SPRR2G: variants seen among roughly 807,000 people sequenced by gnomAD.
SPRR2G encodes the protein small proline rich protein 2G, also known as small proline-rich protein 2G.
In SPRR2G, 1 loss-of-function variant was observed where a neutral mutation model predicts 0.7. That is an observed-to-expected ratio of 1.49 (90% CI 0.53 to 7.06). The LOEUF (loss-of-function observed/expected upper bound fraction) is 7.06, where lower values mean the gene tolerates loss of function less well. Among genes scored for constraint, SPRR2G ranks in the 30% most tolerant of loss-of-function variants. The pLI is 0.14. For synonymous variants in SPRR2G, 38 were observed against 33.9 expected, an observed-to-expected ratio of 1.12 and a Z score of -0.42; for missense variants, 96 against 88.5, an observed-to-expected ratio of 1.09 and a Z score of -0.34.
the SPRR2G span, among the ~76,000 whole-genome samples, chr1:153,169,459 G>A: frequency 5.2e-3 from 793 of 152,002 alleles, 10 homozygotes; most frequent in Middle Eastern, 0.02. Flanking sequence ...CCAGCCACTC[G>A]GGAGACTGAG....
At chr1:153,181,039 A>T in the SPRR2G span, among the ~76,000 whole-genome samples, 1 of 152,026 alleles carries the variant, frequency 6.6e-6, no homozygotes, top group Non-Finnish European at 1.5e-5. Flanking sequence ...TTTGTTAAAT[A>T]TAGATATTAC....
chr1:153,195,309 C>T, the SPRR2G span, among the ~76,000 whole-genome samples: 1 of 152,130 alleles, frequency 6.6e-6, no homozygotes, highest in Non-Finnish European at 1.5e-5. Flanking sequence ...CTTCATAGAC[C>T]AACAATCTGA....
the SPRR2G span, among the ~76,000 whole-genome samples, chr1:153,183,410 T>C: frequency 3.0e-3 from 461 of 152,118 alleles, 2 homozygotes; most frequent in African/African-American, 9.8e-3. Flanking sequence ...TCATCGCCAT[T>C]CTACCTGGAG....
the SPRR2G span, among the ~76,000 whole-genome samples, chr1:153,180,302 G>C: frequency 6.6e-6 from 1 of 152,020 alleles, no homozygotes; most frequent in Non-Finnish European, 1.5e-5. Flanking sequence ...ACTTTTTCCT[G>C]GCATCTAACA....
chr1:153,149,917 T>G lies in SPRR2G; in HGVS notation c.194A>C (p.Gln65Pro). The G allele has an allele frequency of 1.2e-6, 2 of 1,614,096 alleles. No homozygotes were observed. The highest frequency in any genetic ancestry group is 1.7e-6 in the Non-Finnish European group (2 of 1,180,018). ...CTTGCTCTTGGGTGGATACTTCTGC[T>G]GGCAGGGTGGGTATGGTTGCACAGG... ...CPPVQPYPPCQQKYPPKSK is the reference protein window; with the variant it reads ...CPPVQPYPPCPQKYPPKSK Residue 65 changes from glutamine (Q) to proline (P), a missense_variant, in exon 2 of 2, where the codon CAG (glutamine) becomes CCG (proline). Transcript: ENST00000368748.
chr1:153,162,196 C>T, the SPRR2G span, among the ~76,000 whole-genome samples: 3 of 152,096 alleles, frequency 2.0e-5, no homozygotes, highest in Non-Finnish European at 4.4e-5. Flanking sequence ...GTGTGTTGTT[C>T]CCCTCTATGT....
the SPRR2G span, among the ~76,000 whole-genome samples, chr1:153,181,105 A>G: frequency 2.6e-5 from 4 of 151,768 alleles, no homozygotes; most frequent in Admixed American, 2.0e-4. Flanking sequence ...GGTGTTTTTG[A>G]TAATCAGAAA....
At chr1:153,165,866 C>A in the SPRR2G span, among the ~76,000 whole-genome samples, 1 of 152,130 alleles carries the variant, frequency 6.6e-6, no homozygotes, top group African/African-American at 2.4e-5. Flanking sequence ...ACTTTGGGGG[C>A]CTCTGTGACT....
chr1:153,182,607 G>T, the SPRR2G span, among the ~76,000 whole-genome samples: 1 of 151,962 alleles, frequency 6.6e-6, no homozygotes, highest in Non-Finnish European at 1.5e-5. Flanking sequence ...TGTTCTCATT[G>T]TTCAACTCCC....
At chr1:153,165,307 C>T in the SPRR2G span, among the ~76,000 whole-genome samples, 1 of 151,990 alleles carries the variant, frequency 6.6e-6, no homozygotes, top group Non-Finnish European at 1.5e-5. Context: ...TTAAAAAAAT[C>T]AAAGAGAATT....
the SPRR2G span, among the ~76,000 whole-genome samples, chr1:153,192,183 G>A: frequency 4.6e-5 from 7 of 152,182 alleles, no homozygotes; most frequent in African/African-American, 1.2e-4. Context: ...CTTCATAAGG[G>A]ACAGCCTTGA....
the SPRR2G span, among the ~76,000 whole-genome samples, chr1:153,194,656 C>T: frequency 1.8e-4 from 27 of 152,244 alleles, no homozygotes; most frequent in African/African-American, 6.5e-4. Context: ...AACAGGCACT[C>T]TATCTTGGTG....
chr1:153,175,179 T>C, the SPRR2G span, among the ~76,000 whole-genome samples: 1 of 152,268 alleles, frequency 6.6e-6, no homozygotes, highest in Non-Finnish European at 1.5e-5. Context: ...CCATCATCTC[T>C]CACTTGGACT....
the SPRR2G span, among the ~76,000 whole-genome samples, chr1:153,161,970 G>A: frequency 6.6e-6 from 1 of 152,066 alleles, no homozygotes; most frequent in African/African-American, 2.4e-5. Flanking sequence ...ATACCAATAG[G>A]GGGTTTTTGG....
the SPRR2G span, among the ~76,000 whole-genome samples, chr1:153,195,785 A>G: frequency 6.6e-6 from 1 of 152,042 alleles, no homozygotes; most frequent in Non-Finnish European, 1.5e-5. Context: ...CCTTTCCTCT[A>G]GAGGCATGGG....
the SPRR2G span, among the ~76,000 whole-genome samples, chr1:153,196,158 A>T: frequency 2.0e-5 from 3 of 152,240 alleles, no homozygotes; most frequent in African/African-American, 7.2e-5. Flanking sequence ...GTTCTTCAGC[A>T]GATCTCTAGA....
the SPRR2G span, among the ~76,000 whole-genome samples, chr1:153,168,517 TAGC>T: frequency 5.3e-3 from 805 of 152,348 alleles, 11 homozygotes; most frequent in Middle Eastern, 0.02. Context: ...TTTATCATAA[TAGC>T]AGAATCATAA....
the SPRR2G span, among the ~76,000 whole-genome samples, chr1:153,198,621 A>G: frequency 6.6e-6 from 1 of 152,064 alleles, no homozygotes; most frequent in African/African-American, 2.4e-5. Context: ...GGATGATCCC[A>G]GGTTTCTTGT....
At chr1:153,177,130 C>T in the SPRR2G span, among the ~76,000 whole-genome samples, 1 of 152,066 alleles carries the variant, frequency 6.6e-6, no homozygotes, top group African/African-American at 2.4e-5. Flanking sequence ...CTGTGTTTGG[C>T]TTATTTGCTA....
Sources: gnomAD v4.1 joint callset for allele counts (sites outside exome capture counted in the v4.1 genomes callset) on GRCh38, gnomAD v4.1.1 for gene constraint, MANE v1.5 for transcripts, NCBI Gene and HGNC (gene_info 2026-07-23, HGNC 2026-07-21) for gene names.